Variants in CREM observed in about 807,000 individuals in gnomAD.
The protein encoded by CREM is cAMP responsive element modulator.
Under a neutral mutation model 37.3 loss-of-function variants are expected in CREM, and 13 were observed. The ratio of observed to expected loss-of-function variants is 0.35; its 90% confidence interval spans 0.23 to 0.55. The LOEUF (loss-of-function observed/expected upper bound fraction) is 0.55. CREM is among the 20% of genes least tolerant of loss of function. CREM has a pLI of 0.88. For synonymous variants in CREM, 124 were observed against 120.2 expected, an observed-to-expected ratio of 1.03 and a Z score of -0.21; for missense variants, 296 against 362.3, an observed-to-expected ratio of 0.82 and a Z score of 1.49.
At chr10:35,209,779 A>G (rs541529144) in intron 7 of CREM, among the ~76,000 whole-genome samples, 11 of 152,302 alleles carry the variant, frequency 7.2e-5, no homozygotes, top group African/African-American at 2.6e-4. Context: ...ATGTCCCCAA[A>G]TTGGCAAATG....
chr10:35,153,508 G>A (rs2092717780), intron 3 of CREM, among the ~76,000 whole-genome samples: 1 of 152,160 alleles, frequency 6.6e-6, no homozygotes, highest in Non-Finnish European at 1.5e-5. Flanking sequence ...TCTGAAGGCA[G>A]TAGAGTGGAC....
rs760207761 is a variant in CREM at position 35,195,264 on chromosome 10, A to C, written c.598+6876A>C. 1.1e-5 allele frequency: 17 copies of C among 1,604,750 alleles called. No individual in the cohort carries two copies. In the South Asian group the frequency reaches 1.9e-4, roughly 18 times the overall value. On this transcript the variant is annotated intron_variant, in intron 6 of 7. Coordinates refer to ENST00000685392, the MANE Select transcript of CREM (RefSeq NM_183011.2). ...CAGTTAATTGTGCAGATTGTTTTGA[A>C]GTTTAGGAAGTATTCAGGAACATCT...
At chr10:35,201,120 A>G (rs1174616713) in intron 6 of CREM, among the ~76,000 whole-genome samples, 3 of 152,116 alleles carry the variant, frequency 2.0e-5, no homozygotes. Context: ...GTATTCTCTA[A>G]AGGAATATAA....
At chr10:35,177,724 G>C (rs2094156643) in intron 3 of CREM, among the ~76,000 whole-genome samples, 1 of 152,200 alleles carries the variant, frequency 6.6e-6, no homozygotes, top group Non-Finnish European at 1.5e-5. Flanking sequence ...TTGGATCATG[G>C]TCAAGCCACT....
intron 7 of CREM, among the ~76,000 whole-genome samples, chr10:35,208,874 CAA>C (rs968534416): frequency 2.6e-5 from 4 of 152,198 alleles, no homozygotes; most frequent in African/African-American, 7.2e-5. Context: ...CAGAGCAAGA[CAA>C]GAGAAATGCA....
intron 3 of CREM, among the ~76,000 whole-genome samples, chr10:35,150,352 T>C (rs1310968885): frequency 1.3e-5 from 2 of 152,192 alleles, no homozygotes; most frequent in African/African-American, 4.8e-5. Flanking sequence ...TTCTTCCTTC[T>C]GACTCTACTT....
At chr10:35,140,976 G>C (rs1434606907) in intron 2 of CREM, among the ~76,000 whole-genome samples, 1 of 152,226 alleles carries the variant, frequency 6.6e-6, no homozygotes, top group Non-Finnish European at 1.5e-5. Flanking sequence ...TTGAATGGCA[G>C]TGTGGTTTAG....
At chr10:35,143,458 G>A (rs552029738) in intron 2 of CREM, among the ~76,000 whole-genome samples, 18 of 152,252 alleles carry the variant, frequency 1.2e-4, no homozygotes, top group Admixed American at 2.0e-4. Flanking sequence ...TGGAATGTTG[G>A]AATTAATTTT....
Position 35,188,492 on chromosome 10 carries a change from TGGG to T in CREM, c.598+108_598+110del, listed in dbSNP as rs945701758. On this transcript the variant is annotated intron_variant, in intron 6 of 7. Transcript: ENST00000685392. ...TTTGAAATAGATCGAAGGTAGATGG[TGGG>T]GGGTTGGGAGGCACTTAAAAAGGCT... The T allele has an allele frequency of 2.1e-5, 21 of 1,023,776 alleles. No individual in the cohort carries two copies. The Admixed American group carries it at 4.3e-4, about 21-fold the overall frequency. The allele number at this position is 1,023,776 out of a possible 1,614,324, so 63.4% of individuals were successfully genotyped here.
rs772453048 is a variant in CREM, at chr10:35,188,296, C to T, written c.506C>T (p.Pro169Leu). The change falls in exon 6 of 8, where the codon CCT becomes CTT. Residue 169 changes from proline (P) to leucine (L), a missense_variant. Around this residue, in one of 2 missense-constraint regions of CREM, gnomAD observed 257 missense variants for 280.2 expected, o/e 0.92. Transcript: ENST00000685392. ...TTAACAATGACAAATTCAGGAGCTC[C>T]TCCACCAGGTGCTACAATTGTACAG... ...QALTMTNSGAPPPGATIVQYA... is the reference protein window; with the variant it reads ...QALTMTNSGALPPGATIVQYA... 1 of 1,614,196 alleles carries T rather than the reference C, an allele frequency of 6.2e-7. No individual in the cohort carries two copies.
chr10:35,175,226 T>G (rs2093994935), intron 3 of CREM, among the ~76,000 whole-genome samples: 1 of 152,116 alleles, frequency 6.6e-6, no homozygotes, highest in African/African-American at 2.4e-5. Context: ...GGTGGGCAGA[T>G]CACAAGGTCA....
intron 3 of CREM, among the ~76,000 whole-genome samples, chr10:35,174,859 TGAG>T (rs1467343348): frequency 6.6e-6 from 1 of 152,130 alleles, no homozygotes; most frequent in Non-Finnish European, 1.5e-5. Flanking sequence ...AGGGAAGTAG[TGAG>T]GAGATGGCTG....
chr10:35,162,423 C>G (rs1382557102), intron 3 of CREM, among the ~76,000 whole-genome samples: 1 of 152,140 alleles, frequency 6.6e-6, no homozygotes, highest in African/African-American at 2.4e-5. Context: ...TAATAATGTT[C>G]TCACCACAAA....
At chr10:35,163,519 A>G (rs1298420069) in intron 3 of CREM, among the ~76,000 whole-genome samples, 1 of 152,142 alleles carries the variant, frequency 6.6e-6, no homozygotes, top group African/African-American at 2.4e-5. Flanking sequence ...CCATGTCTCT[A>G]TGAAAAATTA....
At chr10:35,168,581 G>T (rs1336078154) in intron 3 of CREM, among the ~76,000 whole-genome samples, 1 of 152,104 alleles carries the variant, frequency 6.6e-6, no homozygotes, top group Non-Finnish European at 1.5e-5. Flanking sequence ...TTCTTTTGCT[G>T]TGCAGAAGCT....
intron 3 of CREM, among the ~76,000 whole-genome samples, chr10:35,153,552 A>G (rs1383301737): frequency 6.6e-6 from 1 of 152,120 alleles, no homozygotes; most frequent in Non-Finnish European, 1.5e-5. Flanking sequence ...GACTCTTGGG[A>G]ATTGGTAACA....
intron 5 of CREM, among the ~76,000 whole-genome samples, chr10:35,185,044 TTCATTC>T: frequency 6.6e-6 from 1 of 151,558 alleles, no homozygotes; most frequent in Non-Finnish European, 1.5e-5. Flanking sequence ...CATTCATTCA[TTCATTC>T]ATTCATTCAT....
chr10:35,161,675 G>C (rs1362819499), intron 3 of CREM, among the ~76,000 whole-genome samples: 5 of 144,644 alleles, frequency 3.5e-5, no homozygotes, highest in Non-Finnish European at 7.7e-5. Context: ...AAAAAAAAAA[G>C]CTCGACATCA....
At chr10:35,146,733 AGTTAT>A (rs2092154499) in intron 2 of CREM, among the ~76,000 whole-genome samples, 1 of 152,234 alleles carries the variant, frequency 6.6e-6, no homozygotes, top group Admixed American at 6.5e-5. Flanking sequence ...TGTCCTGGTC[AGTTAT>A]AAGTATTAAA....
Sources: gnomAD v4.1 joint callset for allele counts (sites outside exome capture counted in the v4.1 genomes callset) on GRCh38, gnomAD v4.1.1 for gene constraint, gnomAD v4.1.1 regional missense constraint, MANE v1.5 for transcripts, NCBI Gene and HGNC (gene_info 2026-07-23, HGNC 2026-07-21) for gene names.